Variants in ZNF26 observed in about 807,000 individuals in gnomAD.
ZNF26 encodes zinc finger protein 26.
In ZNF26, 32 loss-of-function variants were observed where a neutral mutation model predicts 54.9. The observed-to-expected ratio is 0.58, with a 90% confidence interval of 0.44 to 0.78. ZNF26 has a LOEUF of 0.78. Ranked by LOEUF, ZNF26 falls within the 30% of genes least tolerant of loss-of-function variation. The pLI, the probability that ZNF26 is intolerant of heterozygous loss-of-function variation, is 0.00. For missense variants in ZNF26, 524 were observed against 634.0 expected (o/e 0.83, Z 1.86); for synonymous variants, 221 against 209.2 (o/e 1.06, Z -0.49).
At position 133,019,575 on chromosome 12, in the gene ZNF26, G is replaced by C. The variant is rs1953611760; in HGVS notation, c.*8094G>C. On this transcript the variant is annotated 3_prime_UTR_variant, in exon 4 of 4. Transcript: ENST00000328654. The stretch of plus-strand genomic sequence containing the variant: ...AGAAAGACAGGAAAGAACAGATGCT[G>C]GTGAGGATATGGAGGAAGGACAGCC... The C allele has an allele frequency of 6.6e-6, 1 of 152,182 alleles. No homozygotes were observed. Among genetic ancestry groups the C allele is most frequent in the East Asian group, 1.9e-4 (1 of 5,198 alleles). The allele number at this position is 152,182 out of a possible 1,614,324, so 9.4% of individuals were successfully genotyped here.
chr12:133,008,943 T>G (rs1953405061), intron 3 of ZNF26, among the ~76,000 whole-genome samples: 1 of 151,988 alleles, frequency 6.6e-6, no homozygotes, highest in Admixed American at 6.6e-5. Context: ...AGCAAGCACA[T>G]CACATGGTGA....
chr12:133,020,964 C>T lies in ZNF26; in HGVS notation c.*9483C>T, dbSNP rs952240501. The T allele has an allele frequency of 6.6e-6, 1 of 152,006 alleles. No individual in the cohort carries two copies. 9.4% of individuals were successfully genotyped at this position (152,006 alleles called of 1,614,324 possible). On this transcript the variant is annotated 3_prime_UTR_variant, in exon 4 of 4. Coordinates refer to ENST00000328654, the MANE Select transcript of ZNF26 (RefSeq NM_019591.4). Reference sequence around the variant, plus strand: ...TTAACATTGTTAACTCTGTACAGACCCTCTCTCCAAATAAGGCCTCACTCT... The same window carrying T: ...TTAACATTGTTAACTCTGTACAGACTCTCTCTCCAAATAAGGCCTCACTCT...
chr12:133,007,415 C>T (rs1953355456), intron 2 of ZNF26, 22 bp from the exon 3 acceptor site: 2 of 1,598,584 alleles, frequency 1.3e-6, no homozygotes, highest in Non-Finnish European at 8.6e-7. Flanking sequence ...GGTCCCCACC[C>T]TTTGTGATTT....
chr12:133,010,286 C>T lies in ZNF26; in HGVS notation c.407C>T (p.Thr136Ile). Reference sequence around the variant, plus strand: ...TATAACACACGTGGAAAAAGTTTGACACAAAACTCAGCTCCAAGCAGAAGT... The same window carrying T: ...TATAACACACGTGGAAAAAGTTTGATACAAAACTCAGCTCCAAGCAGAAGT... ...RLYNTRGKSL[T>I]QNSAPSRSYL... The change falls in exon 4 of 4, where the codon ACA becomes ATA. Residue 136 changes from threonine (T) to isoleucine (I), a missense_variant. Thr to Ile is a moderately conservative substitution (Grantham distance 89). Coordinates refer to ENST00000328654, the MANE Select transcript of ZNF26 (RefSeq NM_019591.4). 2 of 1,613,888 alleles carry T rather than the reference C, an allele frequency of 1.2e-6. No individual in the cohort carries two copies. The highest frequency in any genetic ancestry group is 2.2e-5 in the South Asian group (2 of 91,080).
chr12:132,986,684 T>G lies in ZNF26; in HGVS notation c.-157T>G, dbSNP rs1314887024. The G allele has an allele frequency of 2.8e-6, 2 of 704,476 alleles. No individual in the cohort carries two copies. Among genetic ancestry groups the G allele is most frequent in the East Asian group, 5.4e-5 (2 of 36,736 alleles). 43.6% of individuals were successfully genotyped at this position (704,476 alleles called of 1,614,324 possible). A position where few individuals can be genotyped will look rare whatever the true frequency, so the allele number is the denominator to read the frequency against. On this transcript the variant is annotated 5_prime_UTR_variant, in exon 1 of 4. Transcript: ENST00000328654. ...CGCGCGGTCTGTGTTGGGCGAGAGC[T>G]GAGGAGCCGGCGTCCCTGCCAACGA...
Position 133,021,533 on chromosome 12 carries a change from A to AG in ZNF26, c.*10054dup, listed in dbSNP as rs1953641997. ...GTAATCCTAGCATTTTGGGAGGCCG[A>AG]GGCGGGTGGATCACCTGAGGTTGGG... On this transcript the variant is annotated 3_prime_UTR_variant, in exon 4 of 4. Coordinates refer to ENST00000328654, the MANE Select transcript of ZNF26 (RefSeq NM_019591.4). The AG allele has an allele frequency of 6.6e-6, 1 of 151,374 alleles. No individual in the cohort carries two copies. The highest frequency in any genetic ancestry group is 1.5e-5 in the Non-Finnish European group (1 of 67,890). 9.4% of individuals were successfully genotyped at this position (151,374 alleles called of 1,614,324 possible).
chr12:133,009,437 C>G (rs1378551974), intron 3 of ZNF26, among the ~76,000 whole-genome samples: 6 of 151,958 alleles, frequency 3.9e-5, no homozygotes, highest in African/African-American at 1.2e-4. Context: ...ACTAAAAATA[C>G]AAAAATTAGC....
intron 1 of ZNF26, among the ~76,000 whole-genome samples, chr12:132,993,027 C>CTTTTTTTTTTTTT (rs71079156): frequency 7.7e-6 from 1 of 129,428 alleles, no homozygotes; most frequent in Non-Finnish European, 1.6e-5. Context: ...ACTAGTATTT[C>CTTTTTTTTTTTTT]TTTTTTTTTT....
chr12:133,000,581 C>T (rs1267263642), intron 1 of ZNF26, among the ~76,000 whole-genome samples: 1 of 152,018 alleles, frequency 6.6e-6, no homozygotes, highest in Non-Finnish European at 1.5e-5. Flanking sequence ...CCCGCCACCA[C>T]ACCCAGCTAA....
chr12:133,012,604 T>TTC lies in ZNF26; in HGVS notation c.*1124_*1125insCT, dbSNP rs1953505480. 1 of 137,892 alleles carries TTC rather than the reference T, an allele frequency of 7.3e-6. No individual in the cohort carries two copies. Among genetic ancestry groups the TTC allele is most frequent in the African/African-American group, 2.8e-5 (1 of 35,620 alleles). The allele number at this position is 137,892 out of a possible 1,614,324, so 8.5% of individuals were successfully genotyped here. On this transcript the variant is annotated 3_prime_UTR_variant, in exon 4 of 4. Coordinates refer to ENST00000328654, the MANE Select transcript of ZNF26 (RefSeq NM_019591.4). ...TTTTTTTTTTTTTTTTTTTTTTTTT[T>TTC]TTTTTGAGACTAAGTTTCACTCTTG...
chr12:132,990,230 G>A (rs887109244), intron 1 of ZNF26, among the ~76,000 whole-genome samples: 3 of 152,324 alleles, frequency 2.0e-5, no homozygotes, highest in East Asian at 3.9e-4. Flanking sequence ...TGAGGCTGCT[G>A]TGAGCCATGT....
At chr12:133,008,428 C>G (rs1297621840) in intron 3 of ZNF26, among the ~76,000 whole-genome samples, 2 of 152,068 alleles carry the variant, frequency 1.3e-5, no homozygotes, top group Non-Finnish European at 2.9e-5. Context: ...CCGTATGTTC[C>G]AAATTTCCTC....
rs6560914 is a variant in ZNF26, at chr12:133,020,945, T to C, written c.*9464T>C. 139,846 of 152,042 alleles carry C rather than the reference T, an allele frequency of 0.92. 64,655 individuals are homozygous for C. Among genetic ancestry groups the C allele is most frequent in the East Asian group, 1 (5,155 of 5,162 alleles). The allele number at this position is 152,042 out of a possible 1,614,324, so 9.4% of individuals were successfully genotyped here. On this transcript the variant is annotated 3_prime_UTR_variant, in exon 4 of 4. Transcript: ENST00000328654. ...TGACTCCTAAGTCCTCATTTTAACA[T>C]TGTTAACTCTGTACAGACCCTCTCT... is the stretch of plus-strand genomic sequence containing the variant.
Position 133,010,844 on chromosome 12 carries a change from C to T in ZNF26, c.965C>T (p.Ala322Val), listed in dbSNP as rs1953455235. 1.2e-6 allele frequency: 2 copies of T among 1,613,932 alleles called. No homozygotes were observed. The highest frequency in any genetic ancestry group is 1.7e-6 in the Non-Finnish European group (2 of 1,180,038). Reference protein sequence around the residue: ...KPHKCSECGKAFRSKSYLLVH... With the variant: ...KPHKCSECGKVFRSKSYLLVH... ...CATAAATGCAGTGAATGTGGGAAAG[C>T]CTTTAGGAGTAAGTCCTATCTCCTT... Residue 322 changes from alanine (A) to valine (V), a missense_variant, in exon 4 of 4, where the codon GCC becomes GTC. Ala to Val is a moderately conservative substitution (Grantham distance 64). Coordinates refer to ENST00000328654, the MANE Select transcript of ZNF26 (RefSeq NM_019591.4).
chr12:133,022,544 T>C lies in ZNF26; in HGVS notation c.*11063T>C, dbSNP rs1325100448. ...GTGTGTCAGTATTCTGGCTGTGATA[T>C]ACTGTAGTGTTGCAAAATGTTAGCA... On this transcript the variant is annotated 3_prime_UTR_variant, in exon 4 of 4. Coordinates refer to ENST00000328654, the MANE Select transcript of ZNF26 (RefSeq NM_019591.4). 3.3e-5 allele frequency: 5 copies of C among 152,326 alleles called. No homozygotes were observed. Among genetic ancestry groups the C allele is most frequent in the South Asian group, 2.1e-4 (1 of 4,828 alleles). 9.4% of individuals were successfully genotyped at this position (152,326 alleles called of 1,614,324 possible).
intron 1 of ZNF26, among the ~76,000 whole-genome samples, chr12:132,998,152 T>G (rs918318957): frequency 6.6e-6 from 1 of 151,498 alleles, no homozygotes; most frequent in Admixed American, 6.6e-5. Flanking sequence ...TTGACTTTGC[T>G]GGAGCTTTTT....
chr12:132,998,434 G>T, intron 1 of ZNF26, among the ~76,000 whole-genome samples: 1 of 152,074 alleles, frequency 6.6e-6, no homozygotes. Context: ...CAAAGTGCTG[G>T]GATTACAGGC....
At position 132,987,804 on chromosome 12, in the gene ZNF26, G is replaced by A. The variant is rs1341770492; in HGVS notation, c.33+931G>A. The A allele has an allele frequency of 2.0e-5, 17 of 835,590 alleles. No homozygotes were observed. The African/African-American group carries it at 2.4e-4, about 12-fold the overall frequency. 51.8% of individuals were successfully genotyped at this position (835,590 alleles called of 1,614,324 possible). The stretch of plus-strand genomic sequence containing the variant: ...AGGTTAATGAAAGGAAAGGACACAC[G>A]GTGGAGAAAGGCTGTTGTGCTAAAG... On this transcript the variant is annotated intron_variant, in intron 1 of 3. Transcript: ENST00000328654.
At position 133,011,334 on chromosome 12, in the gene ZNF26, T is replaced by G. The variant is rs1953467753; in HGVS notation, c.1455T>G (p.Ser485Arg). The G allele has an allele frequency of 1.2e-6, 2 of 1,614,020 alleles. No individual in the cohort carries two copies. The highest frequency in any genetic ancestry group is 1.7e-6 in the Non-Finnish European group (2 of 1,180,010). The stretch of plus-strand genomic sequence containing the variant: ...CGGGAGAGAAACCTTTTAAATGCAG[T>G]GAATGTGGAAAAGCCTTCACTCAGA... ...THSGEKPFKC[S>R]ECGKAFTQKS... The change falls in exon 4 of 4, where the codon AGT becomes AGG. Residue 485 changes from serine to arginine, a missense_variant. Ser to Arg is a moderately radical substitution (Grantham distance 110). Transcript: ENST00000328654.
Sources: allele counts gnomAD v4.1 joint callset (sites outside exome capture counted in the v4.1 genomes callset), GRCh38; gene constraint gnomAD v4.1.1; transcripts MANE v1.5; gene names NCBI Gene and HGNC (gene_info 2026-07-23, HGNC 2026-07-21).